Variants in RAG1 observed in about 807,000 individuals in gnomAD.
RAG1 encodes the protein recombination activating 1, also known as V(D)J recombination-activating protein 1.
RAG1 carries 35 observed loss-of-function variants against 62.7 expected under a neutral mutation model. That is an observed-to-expected ratio of 0.56 (90% CI 0.43 to 0.74). RAG1 has a LOEUF of 0.74. RAG1 is among the 30% of genes least tolerant of loss of function. RAG1 has a pLI of 0.00. For missense variants in RAG1, 1,169 were observed against 1,278.6 expected, an observed-to-expected ratio of 0.91 and a Z score of 1.31; for synonymous variants, 461 against 470.3, an observed-to-expected ratio of 0.98 and a Z score of 0.26.
At chr11:36,514,003 A>G (rs955677037) in intron 1 of RAG1, among the ~76,000 whole-genome samples, 1 of 152,222 alleles carries the variant, frequency 6.6e-6, no homozygotes, top group Non-Finnish European at 1.5e-5. Context: ...ACTGGGCTAT[A>G]GAAGACATTG....
rs1351091876 is a variant in RAG1, at chr11:36,579,304, T to C, written c.*2868T>C. 6.0e-6 allele frequency: 1 copy of C among 167,102 alleles called. No homozygotes were observed. The highest frequency in any genetic ancestry group is 1.5e-5 in the Non-Finnish European group (1 of 68,116). The allele number at this position is 167,102 out of a possible 1,614,324, so 10.4% of individuals were successfully genotyped here. A position where few individuals can be genotyped will look rare whatever the true frequency, so the allele number is the denominator to read the frequency against. On this transcript the variant is annotated 3_prime_UTR_variant, in exon 2 of 2. Transcript: ENST00000299440. Reference sequence around the variant, plus strand: ...TTATTTGGATGCAGGTGGTTTTTGATTGCAAATATGTGTGTGTCTTCAGTG... The same window carrying C: ...TTATTTGGATGCAGGTGGTTTTTGACTGCAAATATGTGTGTGTCTTCAGTG...
At chr11:36,546,232 AAG>A (rs1288525459) in intron 3 of RAG1, among the ~76,000 whole-genome samples, 1 of 152,190 alleles carries the variant, frequency 6.6e-6, no homozygotes, top group Non-Finnish European at 1.5e-5. Flanking sequence ...GTAGGTATCT[AAG>A]AACTTGCTTA....
At chr11:36,526,163 C>T (rs1346841088) in intron 2 of RAG1, among the ~76,000 whole-genome samples, 1 of 152,070 alleles carries the variant, frequency 6.6e-6, no homozygotes, top group African/African-American at 2.4e-5. Flanking sequence ...TATACATGTG[C>T]CATGTTGGTT....
intron 3 of RAG1, among the ~76,000 whole-genome samples, chr11:36,547,849 T>G (rs979762539): frequency 6.6e-6 from 1 of 152,186 alleles, no homozygotes; most frequent in Non-Finnish European, 1.5e-5. Flanking sequence ...CCAATACCCC[T>G]GATGAACATC....
rs1420396663 is a variant in RAG1, at chr11:36,575,719, T to A, written c.2415T>A (p.Ala805=). 1.9e-6 allele frequency: 3 copies of A among 1,614,110 alleles called. No individual in the cohort carries two copies. Among genetic ancestry groups the A allele is most frequent in the Non-Finnish European group, 2.5e-6 (3 of 1,180,052 alleles). The change falls in exon 2 of 2, where the codon GCT becomes GCA. Residue 805 remains alanine (A), a synonymous_variant. Coordinates refer to ENST00000299440, the MANE Select transcript of RAG1 (RefSeq NM_000448.3). The surrounding 1 kb of genome is among the most constrained non-coding windows in gnomAD (Gnocchi z 4.1). ...TCCACTGTGACATTGGCAATGCAGC[T>A]GAGTTCTACAAGATCTTCCAGCTAG... ...DALHCDIGNA[A]EFYKIFQLEI... is the part of the protein sequence containing the mutation.
intron 2 of RAG1, among the ~76,000 whole-genome samples, chr11:36,523,268 G>A (rs938771709): frequency 1.3e-5 from 2 of 152,144 alleles, no homozygotes; most frequent in Non-Finnish European, 2.9e-5. Context: ...TCATGGGGGC[G>A]GGTAGTTCTT....
In RAG1 at chr11:36,577,676, T is replaced by G. The variant is rs995975368; in HGVS notation, c.*1240T>G. The G allele has an allele frequency of 1.2e-5, 2 of 167,096 alleles. No homozygotes were observed. Among genetic ancestry groups the G allele is most frequent in the Admixed American group, 1.3e-4 (2 of 15,290 alleles). 10.4% of individuals were successfully genotyped at this position (167,096 alleles called of 1,614,324 possible). A position where few individuals can be genotyped will look rare whatever the true frequency, so the allele number is the denominator to read the frequency against. The stretch of plus-strand genomic sequence containing the variant: ...AGTAGGTGTTGTTATTATCTCCATT[T>G]GATGGGGGTTTAAATGATTTGCTCA... On this transcript the variant is annotated 3_prime_UTR_variant, in exon 2 of 2. Transcript: ENST00000299440.
At position 36,575,594 on chromosome 11, in the gene RAG1, C is replaced by A; in HGVS notation, c.2290C>A (p.Arg764Ser). ...GAACCTGGAACGTTATGAGGTCTGG[C>A]GTTCCAACCCTTACCATGAGTCTGT... ...AENLERYEVW[R>S]SNPYHESVEE... The change falls in exon 2 of 2, where the codon CGT becomes AGT. Residue 764 changes from arginine (R) to serine (S), a missense_variant. Physicochemically the swap from Arg to Ser is moderately radical, Grantham distance 110. Transcript: ENST00000299440. The surrounding 1 kb of genome is among the most constrained non-coding windows in gnomAD (Gnocchi z 4.1). The A allele has an allele frequency of 6.2e-7, 1 of 1,614,178 alleles. No individual in the cohort carries two copies. The highest frequency in any genetic ancestry group is 1.1e-5 in the South Asian group (1 of 91,086).
At chr11:36,528,451 C>T (rs1488404876) in intron 2 of RAG1, among the ~76,000 whole-genome samples, 1 of 152,032 alleles carries the variant, frequency 6.6e-6, no homozygotes, top group Non-Finnish European at 1.5e-5. Context: ...CCAATGAGAA[C>T]AAAGACACAA....
intron 1 of RAG1, among the ~76,000 whole-genome samples, chr11:36,518,527 G>A (rs1442368912): frequency 4.6e-5 from 7 of 152,058 alleles, no homozygotes; most frequent in Non-Finnish European, 8.8e-5. Context: ...TTTAATGATC[G>A]CCATTCTAAC....
At chr11:36,516,477 A>T (rs982612107) in intron 1 of RAG1, among the ~76,000 whole-genome samples, 1 of 152,144 alleles carries the variant, frequency 6.6e-6, no homozygotes, top group African/African-American at 2.4e-5. Flanking sequence ...GCCCGCCACC[A>T]CGCCTGGAGA....
At chr11:36,513,093 G>A (rs1226985354) in intron 1 of RAG1, among the ~76,000 whole-genome samples, 2 of 152,164 alleles carry the variant, frequency 1.3e-5, no homozygotes, top group Admixed American at 6.5e-5. Context: ...AAAGGGACAA[G>A]TTTGGTTCAG....
chr11:36,547,251 T>C (rs1850407752), intron 3 of RAG1, among the ~76,000 whole-genome samples: 1 of 152,092 alleles, frequency 6.6e-6, no homozygotes. Context: ...ATTCAAAAGT[T>C]AGCAGAAGAC....
intron 2 of RAG1, among the ~76,000 whole-genome samples, chr11:36,524,272 A>C (rs1190562076): frequency 6.6e-6 from 1 of 151,746 alleles, no homozygotes; most frequent in Non-Finnish European, 1.5e-5. Flanking sequence ...GCACACCAAC[A>C]TGGCACATGT....
chr11:36,550,391 G>C (rs1286540503), intron 3 of RAG1, among the ~76,000 whole-genome samples: 1 of 151,984 alleles, frequency 6.6e-6, no homozygotes, highest in East Asian at 1.9e-4. Flanking sequence ...GACTTATTTA[G>C]AACATCAAAG....
rs192195879 is a variant in RAG1, at chr11:36,549,762, G to C, written c.-411-13623G>C. Among the ~76,000 whole-genome samples, 25 of 152,256 alleles carry C rather than the reference G, an allele frequency of 1.6e-4. No homozygotes were observed. The East Asian group carries it at 4.6e-3, about 28-fold the overall frequency. On this transcript the variant is annotated intron_variant and NMD_transcript_variant, in intron 3 of 9. Transcript: ENST00000534663. The stretch of plus-strand genomic sequence containing the variant: ...CATTTGACCCAGCAATCTCATTACT[G>C]AGTATATGCCCAAAGGATTTATAAA...
chr11:36,562,574 T>A (rs894323852), intron 3 of RAG1, among the ~76,000 whole-genome samples: 5 of 152,096 alleles, frequency 3.3e-5, no homozygotes, highest in African/African-American at 1.2e-4. Flanking sequence ...TGGATAATAA[T>A]GGCCATGATA....
At chr11:36,532,101 T>A (rs1389049999) in intron 2 of RAG1, among the ~76,000 whole-genome samples, 1 of 152,044 alleles carries the variant, frequency 6.6e-6, no homozygotes, top group East Asian at 1.9e-4. Context: ...CATTTATTAC[T>A]GAGATATACT....
chr11:36,564,429 G>A (rs1430667466), upstream of RAG1, among the ~76,000 whole-genome samples: 2 of 152,210 alleles, frequency 1.3e-5, no homozygotes, highest in Non-Finnish European at 2.9e-5. Flanking sequence ...ATAAGGGGAA[G>A]AGGGAAGAGA....
Sources: allele counts gnomAD v4.1 joint callset (sites outside exome capture counted in the v4.1 genomes callset), GRCh38; gene constraint gnomAD v4.1.1; non-coding constraint Gnocchi (gnomAD v3.1); transcripts MANE v1.5; gene names NCBI Gene and HGNC (gene_info 2026-07-23, HGNC 2026-07-21).